Variants in ADAM12 observed in about 807,000 individuals in gnomAD.
ADAM12 encodes the protein ADAM metallopeptidase domain 12.
ADAM12 carries 70 observed loss-of-function variants against 106.4 expected under a neutral mutation model. The ratio of observed to expected loss-of-function variants is 0.66; its 90% CI spans 0.54 to 0.80. ADAM12 has a LOEUF of 0.80. Ranked by LOEUF, ADAM12 falls within the 30% of genes least tolerant of loss-of-function variation. The pLI, the probability that ADAM12 is intolerant of heterozygous loss-of-function variation, is 0.00. For missense variants in ADAM12, 1,010 were observed against 1,171.9 expected, an observed-to-expected ratio of 0.86 and a Z score of 2.02; for synonymous variants, 420 against 433.5, an observed-to-expected ratio of 0.97 and a Z score of 0.39.
rs546971807 is a variant in ADAM12 at position 126,283,839 on chromosome 10, C to T, written c.187-4851G>A. Among the ~76,000 whole-genome samples the T allele has an allele frequency of 7.9e-4, 120 of 152,268 alleles. 1 individual carries two copies. Among genetic ancestry groups the T allele is most frequent in the African/African-American group, 2.8e-3 (116 of 41,564 alleles). On this transcript the variant is annotated intron_variant, in intron 2 of 22. Coordinates refer to ENST00000448723, the MANE Select transcript of ADAM12 (RefSeq NM_001288973.2). ...AATAAAATCCTTCATGGTTTAAAGT[C>T]TTTGTGCCTTATTTGAGAAATCCTT...
chr10:126,347,868 G>C (rs1000037995), intron 1 of ADAM12, among the ~76,000 whole-genome samples: 2 of 152,202 alleles, frequency 1.3e-5, no homozygotes, highest in African/African-American at 4.8e-5. Flanking sequence ...TGCCCTGAGA[G>C]TGGAGGCTGG....
At chr10:126,263,463 C>G (rs1043994652) in intron 3 of ADAM12, among the ~76,000 whole-genome samples, 6 of 137,526 alleles carry the variant, frequency 4.4e-5, no homozygotes, top group African/African-American at 1.6e-4. Flanking sequence ...ACACTAGATC[C>G]TCTTTGCTGT....
At chr10:126,313,162 G>A (rs775408901) in intron 2 of ADAM12, among the ~76,000 whole-genome samples, 8 of 152,184 alleles carry the variant, frequency 5.3e-5, no homozygotes, top group Non-Finnish European at 8.8e-5. Flanking sequence ...TGGCACCCTA[G>A]TATGCCTGGC....
chr10:126,150,173 C>G (rs1309326094), intron 4 of ADAM12, among the ~76,000 whole-genome samples: 1 of 152,184 alleles, frequency 6.6e-6, no homozygotes, highest in Non-Finnish European at 1.5e-5. Context: ...TTTCTAAGAT[C>G]TCTCTTTTCT....
chr10:126,055,724 A>T (rs1044830264), intron 14 of ADAM12, among the ~76,000 whole-genome samples: 9 of 152,158 alleles, frequency 5.9e-5, no homozygotes, highest in Non-Finnish European at 1.0e-4. Flanking sequence ...CTTCGGAACC[A>T]CCAACATATT....
At chr10:126,186,927 T>C (rs971888945) in intron 3 of ADAM12, among the ~76,000 whole-genome samples, 4 of 152,210 alleles carry the variant, frequency 2.6e-5, no homozygotes, top group Non-Finnish European at 5.9e-5. Flanking sequence ...GTTTTATAGA[T>C]GGGGAATCTG....
At chr10:126,238,756 C>G (rs1015017237) in intron 3 of ADAM12, among the ~76,000 whole-genome samples, 5 of 152,174 alleles carry the variant, frequency 3.3e-5, no homozygotes, top group Admixed American at 6.5e-5. Flanking sequence ...TTCCAGGCAA[C>G]AGCTCATAAA....
At chr10:126,127,003 C>T (rs543163440) in intron 5 of ADAM12, among the ~76,000 whole-genome samples, 1 of 152,194 alleles carries the variant, frequency 6.6e-6, no homozygotes, top group African/African-American at 2.4e-5. Flanking sequence ...TCCTTCAGAG[C>T]AGATGCCACC....
intron 9 of ADAM12, among the ~76,000 whole-genome samples, chr10:126,098,966 G>A (rs1021390694): frequency 1.3e-5 from 2 of 152,272 alleles, no homozygotes; most frequent in South Asian, 4.1e-4. Flanking sequence ...AAATTGTCCC[G>A]CTAAGATAGC....
intron 3 of ADAM12, among the ~76,000 whole-genome samples, chr10:126,278,211 T>C (rs920493786): frequency 3.3e-5 from 5 of 152,212 alleles, no homozygotes; most frequent in Admixed American, 2.6e-4. Context: ...TAAGCTCTTC[T>C]TTTATGGTAC....
At chr10:126,348,565 G>A (rs534425912) in intron 1 of ADAM12, among the ~76,000 whole-genome samples, 171 of 152,272 alleles carry the variant, frequency 1.1e-3, no homozygotes, top group African/African-American at 3.7e-3. Context: ...GTATTCAACC[G>A]AGCCCAATCA....
At chr10:126,183,513 A>G (rs1222252921) in intron 3 of ADAM12, among the ~76,000 whole-genome samples, 1 of 152,252 alleles carries the variant, frequency 6.6e-6, no homozygotes, top group Non-Finnish European at 1.5e-5. Flanking sequence ...ACCTTCCTGG[A>G]AAAGCAGAAC....
chr10:126,235,578 C>T (rs75924974), intron 3 of ADAM12, among the ~76,000 whole-genome samples: 10,886 of 152,106 alleles, frequency 0.072, 497 homozygotes, highest in East Asian at 0.13. Flanking sequence ...AGCTATCTCA[C>T]GGGGCTGTTG....
chr10:126,365,073 T>C (rs1334681768), intron 1 of ADAM12, among the ~76,000 whole-genome samples: 5 of 152,196 alleles, frequency 3.3e-5, no homozygotes, highest in Non-Finnish European at 1.5e-5. Flanking sequence ...GATATGACCC[T>C]GTTGGGCAAG....
At chr10:126,146,251 G>A (rs1189839962) in intron 4 of ADAM12, among the ~76,000 whole-genome samples, 1 of 152,204 alleles carries the variant, frequency 6.6e-6, no homozygotes, top group Non-Finnish European at 1.5e-5. Context: ...TGAGTGCCTC[G>A]GCCAGTGGGA....
intron 8 of ADAM12, among the ~76,000 whole-genome samples, chr10:126,102,247 C>T (rs144779762): frequency 3.9e-4 from 59 of 152,256 alleles, no homozygotes; most frequent in African/African-American, 1.4e-3. Flanking sequence ...ATGGTGTCAC[C>T]TGGTGGGCTG....
intron 3 of ADAM12, among the ~76,000 whole-genome samples, chr10:126,236,625 A>G (rs1303939151): frequency 6.6e-6 from 1 of 151,996 alleles, no homozygotes; most frequent in Non-Finnish European, 1.5e-5. Flanking sequence ...CACCCACAGG[A>G]AGGAGCACTC....
At chr10:126,059,819 CCATGCT>C (rs1171795699) in intron 14 of ADAM12, among the ~76,000 whole-genome samples, 7 of 152,192 alleles carry the variant, frequency 4.6e-5, no homozygotes, top group African/African-American at 1.7e-4. Flanking sequence ...TTTTCAGTAA[CCATGCT>C]GGTGGTTCTC....
chr10:126,077,503 G>A (rs1206381374), intron 11 of ADAM12, among the ~76,000 whole-genome samples: 34 of 152,124 alleles, frequency 2.2e-4, no homozygotes, highest in Admixed American at 1.8e-3. Flanking sequence ...ATATTATAAG[G>A]CTACAGTAAC....
Sources: gnomAD v4.1 joint callset for allele counts (sites outside exome capture counted in the v4.1 genomes callset) on GRCh38, gnomAD v4.1.1 for gene constraint, MANE v1.5 for transcripts, NCBI Gene and HGNC (gene_info 2026-07-23, HGNC 2026-07-21) for gene names.